NLRP13: variants seen among roughly 807,000 people sequenced by gnomAD.
The protein encoded by NLRP13 is NACHT, LRR and PYD domains-containing protein 13.
NLRP13 carries 82 observed loss-of-function variants against 94.4 expected under a neutral mutation model. That is an observed-to-expected ratio of 0.87 (90% CI 0.73 to 1.04). The LOEUF is 1.04. Ranked by LOEUF, NLRP13 falls within the 50% of genes least tolerant of loss-of-function variation. The probability of loss-of-function intolerance (pLI) is 0.00; values close to 1 mark genes in which losing one functional copy is unlikely to be tolerated. For synonymous variants in NLRP13, 553 were observed against 464.7 expected, an observed-to-expected ratio of 1.19 and a Z score of -2.45; for missense variants, 1,426 against 1,230.8, an observed-to-expected ratio of 1.16 and a Z score of -2.37.
intron 1 of NLRP13, among the ~76,000 whole-genome samples, chr19:55,930,551 T>C (rs1987086704): frequency 1.3e-5 from 2 of 151,802 alleles, no homozygotes; most frequent in Non-Finnish European, 2.9e-5. Context: ...CCGGGCATGG[T>C]GGCAGGTGCC....
chr19:55,896,040 G>C lies in NLRP13; in HGVS notation c.3037C>G (p.Leu1013Val). 6.2e-7 allele frequency: 1 copy of C among 1,614,206 alleles called. No homozygotes were observed. Among genetic ancestry groups the C allele is most frequent in the Non-Finnish European group, 8.5e-7 (1 of 1,180,018 alleles). ...VLSSSKSLVN[L>V]NLLGNELDTD... ...TCCAATTCATTGCCTAGAAGGTTCA[G>C]ATTGACCAGGCTCTTACTGCTGCTG... The change falls in exon 11 of 11, where the codon CTG (leucine) becomes GTG (valine). Residue 1013 changes from leucine to valine, a missense_variant. Physicochemically the swap from Leu to Val is conservative, Grantham distance 32 (BLOSUM62 1). Transcript: ENST00000342929.
chr19:55,906,241 G>C (rs1019835740), intron 7 of NLRP13, among the ~76,000 whole-genome samples: 7 of 146,026 alleles, frequency 4.8e-5, no homozygotes, highest in African/African-American at 1.8e-4. Flanking sequence ...TGGAGGCTGA[G>C]GCAGGAGAAT....
chr19:55,931,454 A>C (rs1987130690), intron 1 of NLRP13, among the ~76,000 whole-genome samples: 1 of 151,920 alleles, frequency 6.6e-6, no homozygotes, highest in Admixed American at 6.6e-5. Context: ...CACGCCTGTA[A>C]TCCCAGTGCT....
At chr19:55,910,172 G>A (rs1051127216) in intron 6 of NLRP13, among the ~76,000 whole-genome samples, 2 of 152,146 alleles carry the variant, frequency 1.3e-5, no homozygotes, top group Non-Finnish European at 2.9e-5. Flanking sequence ...CTGAATGCAG[G>A]AGTACCCATC....
chr19:55,910,599 G>C lies in NLRP13; in HGVS notation c.2246C>G (p.Ala749Gly), dbSNP rs375954901. The C allele has an allele frequency of 1.9e-6, 3 of 1,611,858 alleles. No homozygotes were observed. In the African/African-American group the frequency reaches 4.0e-5, roughly 22 times the overall value. The change falls in exon 6 of 11, where the codon GCA becomes GGA. Residue 749 changes from alanine to glycine, a missense_variant. Physicochemically the swap from Ala to Gly is moderately conservative, Grantham distance 60 (BLOSUM62 0). Coordinates refer to ENST00000342929, the MANE Select transcript of NLRP13 (RefSeq NM_176810.2). The part of the protein sequence containing the change: ...HASSVKGLCL[A>G]LKNPRCKVQK... ...GACTTTGCATCTTGGATTTTTCAGT[G>C]CAAGACAGAGACCCTTCACAGAGGA...
intron 8 of NLRP13, 120 bp downstream of exon 8, chr19:55,904,822 G>A (rs1221275474): frequency 9.8e-6 from 8 of 815,830 alleles, no homozygotes; most frequent in Middle Eastern, 3.9e-4. Context: ...CTGGCACATA[G>A]TAATTACTCA....
chr19:55,925,143 T>A, intron 1 of NLRP13, 108 bp from the exon 2 acceptor site: 2 of 969,244 alleles, frequency 2.1e-6, no homozygotes, highest in African/African-American at 1.6e-5. Context: ...AACTGGAGTT[T>A]GAAGGTCTGA....
chr19:55,930,873 A>ATTTT (rs1555751052), intron 1 of NLRP13, among the ~76,000 whole-genome samples: 37,427 of 90,942 alleles, frequency 0.41, 6,390 homozygotes, highest in Admixed American at 0.49. Context: ...AGAATCAGTG[A>ATTTT]TTATATATAT....
intron 1 of NLRP13, 96 bp downstream of exon 1, chr19:55,931,897 C>T (rs1987155681): frequency 2.2e-5 from 21 of 968,918 alleles, no homozygotes; most frequent in Middle Eastern, 6.3e-4. Context: ...AGGGGGAGAT[C>T]GGCAGTGTGG....
intron 9 of NLRP13, among the ~76,000 whole-genome samples, chr19:55,900,224 A>C (rs908970093): frequency 1.1e-4 from 16 of 145,110 alleles, no homozygotes; most frequent in Non-Finnish European, 2.2e-4. Flanking sequence ...TGACGAGGGG[A>C]AAAACAAAAT....
downstream of NLRP13, chr19:55,895,909 C>T (rs774785944): frequency 3.7e-6 from 6 of 1,601,898 alleles, no homozygotes; most frequent in Admixed American, 1.0e-4. Context: ...TAGCCTTGTC[C>T]CTGTATGTTC....
chr19:55,912,964 T>C lies in NLRP13; in HGVS notation c.853A>G (p.Ile285Val). Residue 285 changes from isoleucine (I) to valine (V), a missense_variant, in exon 5 of 11, where the codon ATT (isoleucine) becomes GTT (valine). Transcript: ENST00000342929. Reference protein sequence around the residue: ...YMKETTFAELISLDWPDFDAP... With the variant: ...YMKETTFAELVSLDWPDFDAP... ...TCAAAATCGGGCCAATCCAAAGAAA[T>C]CAATTCAGCAAAGGTAGTTTCCTTC... 6.2e-7 allele frequency: 1 copy of C among 1,614,044 alleles called. No individual in the cohort carries two copies. The highest frequency in any genetic ancestry group is 8.5e-7 in the Non-Finnish European group (1 of 1,179,928).
downstream of NLRP13, among the ~76,000 whole-genome samples, chr19:55,894,109 T>C (rs1217980972): frequency 6.9e-6 from 1 of 145,498 alleles, no homozygotes; most frequent in Non-Finnish European, 1.5e-5. Context: ...TGCATGATCA[T>C]GGCTCACTAC....
At chr19:55,930,967 C>A (rs2123154679) in intron 1 of NLRP13, among the ~76,000 whole-genome samples, 1 of 148,482 alleles carries the variant, frequency 6.7e-6, no homozygotes, top group African/African-American at 2.6e-5. Flanking sequence ...ACTTTATTAC[C>A]ACAATAAACA....
intron 1 of NLRP13, among the ~76,000 whole-genome samples, chr19:55,925,669 A>G (rs529532134): frequency 6.6e-6 from 1 of 152,308 alleles, no homozygotes; most frequent in African/African-American, 2.4e-5. Context: ...ATGAGCTAGA[A>G]GACCTCTTCT....
intron 6 of NLRP13, among the ~76,000 whole-genome samples, chr19:55,910,272 C>G (rs969709542): frequency 7.9e-5 from 12 of 152,234 alleles, no homozygotes; most frequent in Non-Finnish European, 1.8e-4. Flanking sequence ...CCACCATACC[C>G]TCGAAGTTTT....
chr19:55,927,829 G>A (rs923184666), intron 1 of NLRP13, among the ~76,000 whole-genome samples: 2 of 152,102 alleles, frequency 1.3e-5, no homozygotes, highest in African/African-American at 2.4e-5. Flanking sequence ...CAAGGTTACC[G>A]TTGGTCAAAT....
intron 9 of NLRP13, among the ~76,000 whole-genome samples, chr19:55,900,923 C>T: frequency 6.6e-6 from 1 of 152,062 alleles, no homozygotes; most frequent in East Asian, 1.9e-4. Context: ...ATGCTCTTCT[C>T]TCTAAAGTTT....
chr19:55,909,819 C>T (rs1434729259), intron 6 of NLRP13, among the ~76,000 whole-genome samples: 4 of 152,158 alleles, frequency 2.6e-5, no homozygotes, highest in East Asian at 1.9e-4. Flanking sequence ...CCTTCTATCT[C>T]GTTTTCTTGG....
Sources: allele counts gnomAD v4.1 joint callset (sites outside exome capture counted in the v4.1 genomes callset), GRCh38; gene constraint gnomAD v4.1.1; transcripts MANE v1.5; gene names NCBI Gene and HGNC (gene_info 2026-07-23, HGNC 2026-07-21).